Variants in NAV1 observed in about 807,000 individuals in gnomAD.
NAV1 encodes the protein pore membrane and/or filament interacting like protein 3.
A neutral mutation model predicts 175.2 loss-of-function variants in NAV1; 18 were observed. That is an observed-to-expected ratio of 0.10 (90% CI 0.07 to 0.15). The LOEUF is 0.15. Among genes scored for constraint, NAV1 ranks in the 10% least tolerant of loss-of-function variants. The probability of loss-of-function intolerance (pLI) is 1.00; values close to 1 mark genes in which losing one functional copy is unlikely to be tolerated. For synonymous variants in NAV1, 897 were observed against 978.7 expected, an observed-to-expected ratio of 0.92 and a Z score of 1.56; for missense variants, 1,731 against 2,436.6, an observed-to-expected ratio of 0.71 and a Z score of 6.10.
chr1:201,782,507 T>C lies in NAV1; in HGVS notation c.1995T>C (p.Arg665=), dbSNP rs765041627. The change falls in exon 6 of 30, where the codon CGT becomes CGC. Residue 665 remains arginine, a synonymous_variant. Transcript: ENST00000367296. This position sits in a 1 kb window ranked among gnomAD's most constrained non-coding sequence, Gnocchi z 5.4. Reference sequence around the variant, plus strand: ...CAGGATTCCTGGCTCCTGGAGCCCGTTCTAACATCCAGTACCGCAGCCTGC... The same window carrying C: ...CAGGATTCCTGGCTCCTGGAGCCCGCTCTAACATCCAGTACCGCAGCCTGC... 1 of 1,612,890 alleles carries C rather than the reference T, an allele frequency of 6.2e-7. No individual in the cohort carries two copies. The highest frequency in any genetic ancestry group is 1.7e-5 in the Admixed American group (1 of 59,994).
intron 1 of NAV1, among the ~76,000 whole-genome samples, chr1:201,671,538 C>T (rs1476064075): frequency 6.6e-6 from 1 of 152,210 alleles, no homozygotes; most frequent in Non-Finnish European, 1.5e-5. Flanking sequence ...CTCCTGGGGC[C>T]TCAATTTGCT....
intron 1 of NAV1, among the ~76,000 whole-genome samples, chr1:201,545,066 G>A (rs1279028296): frequency 6.6e-6 from 1 of 152,180 alleles, no homozygotes; most frequent in Non-Finnish European, 1.5e-5. Flanking sequence ...CCTTGGGCAG[G>A]CCATGGAATC....
rs554809401 is a variant in NAV1 at position 201,771,794 on chromosome 1, T to A, written c.1227-8627T>A. ...AAACTAACAGACAAGGATTGTAAAA[T>A]CCTTTTTATAAATATGTTTAAGGAT... is the stretch of plus-strand genomic sequence containing the variant. On this transcript the variant is annotated intron_variant, in intron 3 of 29. Transcript: ENST00000367296. Among the ~76,000 whole-genome samples, 112 of 152,290 alleles carry A rather than the reference T, an allele frequency of 7.4e-4. 1 individual carries two copies. The South Asian group carries it at 0.022, about 30-fold the overall frequency.
intron 3 of NAV1, among the ~76,000 whole-genome samples, chr1:201,746,324 T>C (rs1431102117): frequency 6.6e-6 from 1 of 152,180 alleles, no homozygotes; most frequent in Admixed American, 6.5e-5. Context: ...GCTGTACAGC[T>C]TTGGACATAC....
At chr1:201,642,553 C>CT (rs796439617) in intron 2 of NAV1, among the ~76,000 whole-genome samples, 1 of 128,684 alleles carries the variant, frequency 7.8e-6, no homozygotes, top group African/African-American at 2.9e-5. Flanking sequence ...TTCTTTCTTT[C>CT]TTTTTTCCCT....
At chr1:201,632,117 G>GCT (rs1668495697) in intron 2 of NAV1, among the ~76,000 whole-genome samples, 1 of 152,180 alleles carries the variant, frequency 6.6e-6, no homozygotes, top group Non-Finnish European at 1.5e-5. Context: ...TGGGGGGTGA[G>GCT]TGCAGAGTCT....
intron 1 of NAV1, among the ~76,000 whole-genome samples, chr1:201,558,710 A>G (rs1396575089): frequency 1.3e-5 from 2 of 152,248 alleles, no homozygotes; most frequent in South Asian, 4.1e-4. Flanking sequence ...TCGGCCTCCC[A>G]AAGTGCTGGG....
In NAV1 at chr1:201,539,167, C is replaced by G. The variant is rs1053669194; in HGVS notation, c.-319C>G. 6.6e-5 allele frequency among the ~76,000 whole-genome samples: 10 copies of G among 152,312 alleles called. No homozygotes were observed. The East Asian group carries it at 7.7e-4, about 12-fold the overall frequency. On this transcript the variant is annotated 5_prime_UTR_variant, in exon 1 of 34. Transcript: ENST00000685211. The surrounding 1 kb of genome is among the most constrained non-coding windows in gnomAD (Gnocchi z 5.6). ...CCGGCGGCTGCCCTAGTGCGGGGCC[C>G]GAGGCTGGAGTGCGCGGCGGACGCC...
intron 3 of NAV1, among the ~76,000 whole-genome samples, chr1:201,771,500 G>GAAAAAA (rs55864064): frequency 1.2e-5 from 1 of 86,836 alleles, no homozygotes; most frequent in Non-Finnish European, 2.3e-5. Flanking sequence ...ACTTCGTCTA[G>GAAAAAA]AAAAAAAAAA....
intron 2 of NAV1, among the ~76,000 whole-genome samples, chr1:201,606,691 G>C (rs982323184): frequency 2.0e-5 from 3 of 152,198 alleles, no homozygotes; most frequent in Non-Finnish European, 4.4e-5. Flanking sequence ...GGGAAGAACA[G>C]AACAAGATCT....
intron 2 of NAV1, among the ~76,000 whole-genome samples, chr1:201,592,365 G>A (rs1667224605): frequency 6.6e-6 from 1 of 152,138 alleles, no homozygotes; most frequent in Admixed American, 6.5e-5. Flanking sequence ...GACAACAGCT[G>A]ACAGAACAAG....
chr1:201,628,861 G>A (rs949715611), intron 1 of NAV1, among the ~76,000 whole-genome samples: 3 of 152,130 alleles, frequency 2.0e-5, no homozygotes, highest in Non-Finnish European at 4.4e-5. Flanking sequence ...CTGTCCTCCC[G>A]GGAGTCACTG....
intron 1 of NAV1, among the ~76,000 whole-genome samples, chr1:201,678,207 C>T (rs1670328338): frequency 6.6e-6 from 1 of 152,210 alleles, no homozygotes; most frequent in Admixed American, 6.5e-5. Flanking sequence ...ACGTTATGAA[C>T]TGACTTGGCA....
rs138165943 is a variant in NAV1 at position 201,667,324 on chromosome 1, G to C, written c.757+17899G>C. 4.3e-3 allele frequency among the ~76,000 whole-genome samples: 661 copies of C among 152,314 alleles called. 6 individuals are homozygous for C. Among genetic ancestry groups the C allele is most frequent in the African/African-American group, 0.015 (639 of 41,574 alleles). On this transcript the variant is annotated intron_variant, in intron 1 of 29. Transcript: ENST00000367296. ...CACACAGCTGGTTCTTGAAACAAAG[G>C]AGTGGGCTAAGTGCTGTTCCCACCC...
At chr1:201,678,004 C>A (rs896944431) in intron 1 of NAV1, among the ~76,000 whole-genome samples, 3 of 152,158 alleles carry the variant, frequency 2.0e-5, no homozygotes, top group African/African-American at 7.2e-5. Context: ...TGTCCAATGT[C>A]CCCGAAGTTT....
At chr1:201,587,360 C>T (rs1667064768) in intron 1 of NAV1, among the ~76,000 whole-genome samples, 1 of 151,716 alleles carries the variant, frequency 6.6e-6, no homozygotes, top group Non-Finnish European at 1.5e-5. Flanking sequence ...TTGTAAATCA[C>T]ATATCTGACA....
intron 2 of NAV1, among the ~76,000 whole-genome samples, chr1:201,617,198 A>G (rs1488981763): frequency 4.2e-5 from 5 of 118,880 alleles, no homozygotes; most frequent in South Asian, 5.8e-4. Context: ...AGATTCCCCA[A>G]TCTCTCTGTC....
intron 3 of NAV1, among the ~76,000 whole-genome samples, chr1:201,764,910 G>A (rs995322820): frequency 4.6e-5 from 7 of 152,338 alleles, no homozygotes; most frequent in Admixed American, 6.5e-5. Context: ...AGAAATGCAT[G>A]GCTTTATTCT....
intron 1 of NAV1, among the ~76,000 whole-genome samples, chr1:201,709,144 C>CA (rs112333135): frequency 0.34 from 39,945 of 117,136 alleles, 6,515 homozygotes; most frequent in Middle Eastern, 0.43. Flanking sequence ...GACCCTGTCT[C>CA]CAAAAAAAAA....
Sources: allele counts gnomAD v4.1 joint callset (sites outside exome capture counted in the v4.1 genomes callset), GRCh38; gene constraint gnomAD v4.1.1; non-coding constraint Gnocchi (gnomAD v3.1); transcripts MANE v1.5; gene names NCBI Gene and HGNC (gene_info 2026-07-23, HGNC 2026-07-21).